EIF4G3: variants seen among roughly 807,000 people sequenced by gnomAD.
The protein encoded by EIF4G3 is eukaryotic translation initiation factor 4 gamma 3, also known as eIF-4-gamma 3.
A neutral mutation model predicts 186.4 loss-of-function variants in EIF4G3; 34 were observed. The ratio of observed to expected loss-of-function variants is 0.18; its 90% CI spans 0.14 to 0.24. The LOEUF is 0.24. Among genes scored for constraint, EIF4G3 ranks in the 10% least tolerant of loss-of-function variants. The probability of loss-of-function intolerance (pLI) is 1.00; values close to 1 mark genes in which losing one functional copy is unlikely to be tolerated. For synonymous variants in EIF4G3, 673 were observed against 679.5 expected (o/e 0.99, Z 0.15); for missense variants, 1,536 against 1,948.5 (o/e 0.79, Z 3.99).
chr1:20,949,505 G>A (rs1405447741), intron 13 of EIF4G3, among the ~76,000 whole-genome samples: 1 of 152,178 alleles, frequency 6.6e-6, no homozygotes, highest in Non-Finnish European at 1.5e-5. Flanking sequence ...CAAGGTCAGT[G>A]GCTCAATCAA....
intron 30 of EIF4G3, among the ~76,000 whole-genome samples, chr1:20,839,588 G>A (rs566315467): frequency 3.3e-5 from 5 of 152,134 alleles, no homozygotes; most frequent in African/African-American, 9.7e-5. Flanking sequence ...TCTGCCTCCC[G>A]GGTTCAAGCG....
intron 4 of EIF4G3, among the ~76,000 whole-genome samples, chr1:21,010,512 T>C (rs2086735959): frequency 2.0e-5 from 3 of 151,952 alleles, no homozygotes; most frequent in African/African-American, 2.4e-5. Context: ...CCACTAAGTA[T>C]ACAGTACTGT....
chr1:21,027,686 T>C (rs143757481), intron 4 of EIF4G3, among the ~76,000 whole-genome samples: 6 of 152,196 alleles, frequency 3.9e-5, no homozygotes, highest in African/African-American at 7.2e-5. Flanking sequence ...TTGCACACTG[T>C]TGGTAGGAAT....
At chr1:21,086,608 C>T (rs998658046) in intron 3 of EIF4G3, among the ~76,000 whole-genome samples, 1 of 152,040 alleles carries the variant, frequency 6.6e-6, no homozygotes, top group African/African-American at 2.4e-5. Context: ...TAACACGTTC[C>T]TGTCTCTAAT....
At chr1:21,129,717 C>A (rs1185068708) in intron 2 of EIF4G3, among the ~76,000 whole-genome samples, 2 of 151,994 alleles carry the variant, frequency 1.3e-5, no homozygotes, top group African/African-American at 4.8e-5. Flanking sequence ...GAAGAAGTAA[C>A]AACCCCCCAC....
In EIF4G3 at chr1:21,066,479, A is replaced by G. The variant is rs564245023; in HGVS notation, c.-195-15485T>C. Among the ~76,000 whole-genome samples, 18 of 152,302 alleles carry G rather than the reference A, an allele frequency of 1.2e-4. No individual in the cohort carries two copies. The South Asian group carries it at 3.5e-3, about 30-fold the overall frequency. The stretch of plus-strand genomic sequence containing the variant: ...AAGTTCTTTGGGATCTGTAACAGCT[A>G]AAGAAACTAAACACCTTTCTAATCT... On this transcript the variant is annotated intron_variant, in intron 3 of 36. Transcript: ENST00000602326.
intron 14 of EIF4G3, among the ~76,000 whole-genome samples, chr1:20,940,785 T>C (rs1573206859): frequency 6.6e-6 from 1 of 152,178 alleles, no homozygotes; most frequent in Admixed American, 6.5e-5. Flanking sequence ...CAGATAACTT[T>C]TGATTAAACT....
At chr1:20,828,362 T>C (rs1283559452) in intron 31 of EIF4G3, among the ~76,000 whole-genome samples, 1 of 152,152 alleles carries the variant, frequency 6.6e-6, no homozygotes, top group South Asian at 2.1e-4. Context: ...AGGAAGCTTT[T>C]CTTTATAGAT....
chr1:21,092,608 T>C (rs1350085868), intron 2 of EIF4G3, among the ~76,000 whole-genome samples: 3 of 152,108 alleles, frequency 2.0e-5, no homozygotes, highest in Admixed American at 2.0e-4. Flanking sequence ...ACTTTAAAGT[T>C]CATCTGGAAC....
At chr1:20,970,658 C>T (rs1269755565) in intron 11 of EIF4G3, among the ~76,000 whole-genome samples, 4 of 148,718 alleles carry the variant, frequency 2.7e-5, no homozygotes, top group African/African-American at 5.0e-5. Flanking sequence ...ACTTAACAGC[C>T]AGTAAAAAGA....
chr1:20,970,826 C>T (rs1420896689), intron 11 of EIF4G3, among the ~76,000 whole-genome samples: 4 of 151,528 alleles, frequency 2.6e-5, no homozygotes, highest in East Asian at 2.0e-4. Flanking sequence ...TAGCTGGGTG[C>T]GGTGGCAGGC....
At chr1:20,830,290 G>A (rs568746401) in intron 30 of EIF4G3, among the ~76,000 whole-genome samples, 1 of 152,266 alleles carries the variant, frequency 6.6e-6, no homozygotes, top group African/African-American at 2.4e-5. Flanking sequence ...TACCACCATA[G>A]GCAGGGTCAC....
At position 20,942,199 on chromosome 1, in the gene EIF4G3, G is replaced by C; in HGVS notation, c.955C>G (p.Pro319Ala). Residue 319 changes from proline to alanine, a missense_variant, in exon 14 of 37, where the codon CCT becomes GCT. Pro to Ala is a conservative substitution (Grantham distance 27). Around this residue, in one of 11 missense-constraint regions of EIF4G3, gnomAD observed 560 missense variants for 547.8 expected, o/e 1.02. Coordinates refer to ENST00000602326, the MANE Select transcript of EIF4G3 (RefSeq NM_001391906.1). ...ACAGTGGTAGGTGATGGAGGCAGAG[G>C]AAGCTCTGCTATGGATACTATTGCA... ...TTAIVSIAEL[P>A]LPPSPTTVSS... 1 of 1,614,186 alleles carries C rather than the reference G, an allele frequency of 6.2e-7. No homozygotes were observed. The highest frequency in any genetic ancestry group is 8.5e-7 in the Non-Finnish European group (1 of 1,180,014).
chr1:21,074,459 T>C (rs2095528449), intron 3 of EIF4G3, among the ~76,000 whole-genome samples: 1 of 152,202 alleles, frequency 6.6e-6, no homozygotes, highest in African/African-American at 2.4e-5. Context: ...ATCTCGTATT[T>C]AAATTTATCA....
chr1:20,854,545 A>G (rs1349427717), intron 26 of EIF4G3, among the ~76,000 whole-genome samples: 2 of 150,720 alleles, frequency 1.3e-5, no homozygotes, highest in African/African-American at 4.9e-5. Flanking sequence ...AATTAAAAAA[A>G]AAAAAAAAAA....
intron 22 of EIF4G3, 56 bp downstream of exon 22, chr1:20,864,420 T>C (rs1379118367): frequency 7.8e-7 from 1 of 1,276,870 alleles, no homozygotes; most frequent in Non-Finnish European, 1.1e-6. Context: ...CAGTCTAAGT[T>C]CTTTTGCAAC....
intron 2 of EIF4G3, among the ~76,000 whole-genome samples, chr1:21,151,876 C>T (rs1451518358): frequency 6.6e-6 from 1 of 152,112 alleles, no homozygotes; most frequent in African/African-American, 2.4e-5. Context: ...TCACCCACTC[C>T]ACTTGGAAAA....
chr1:20,812,549 G>A (rs1042204747), intron 35 of EIF4G3, among the ~76,000 whole-genome samples: 2 of 152,090 alleles, frequency 1.3e-5, no homozygotes, highest in African/African-American at 2.4e-5. Flanking sequence ...TCGCTTCAGT[G>A]ACAGAAGTAT....
intron 4 of EIF4G3, among the ~76,000 whole-genome samples, chr1:21,033,685 C>A (rs777127948): frequency 6.6e-6 from 1 of 152,110 alleles, no homozygotes; most frequent in African/African-American, 2.4e-5. Flanking sequence ...TGTAATGCAG[C>A]CTTTATACTA....
Sources: allele counts gnomAD v4.1 joint callset (sites outside exome capture counted in the v4.1 genomes callset), GRCh38; gene constraint gnomAD v4.1.1; regional missense constraint gnomAD v4.1.1; transcripts MANE v1.5; gene names NCBI Gene and HGNC (gene_info 2026-07-23, HGNC 2026-07-21).